Variants in SLC22A14 observed in about 807,000 individuals in gnomAD.
SLC22A14 encodes solute carrier family 22 member 14, also known as organic cation transporter-like 4.
In SLC22A14, 50 loss-of-function variants were observed where a neutral mutation model predicts 53.9. That is an observed-to-expected ratio of 0.93 (90% CI 0.74 to 1.17). The LOEUF (loss-of-function observed/expected upper bound fraction) is 1.17, where lower values mean the gene tolerates loss of function less well. Among genes scored for constraint, SLC22A14 ranks in the 50% most tolerant of loss-of-function variants. The pLI is 0.00. For synonymous variants in SLC22A14, 312 were observed against 303.0 expected, an observed-to-expected ratio of 1.03 and a Z score of -0.31; for missense variants, 671 against 734.7, an observed-to-expected ratio of 0.91 and a Z score of 1.00.
At position 38,313,755 on chromosome 3, in the gene SLC22A14, T is replaced by C. The variant is rs780866911; in HGVS notation, c.1192T>C (p.Leu398=). Residue 398 remains leucine, a synonymous_variant, in exon 8 of 11, where the codon TTG becomes CTG. Coordinates refer to ENST00000448498, the MANE Select transcript of SLC22A14 (RefSeq NM_001320033.2). ...TACCGTCAGTTACACCTATTTTACGTTGAGCCTGAGAATGAGAGAGCTGGG... is the reference window on the plus strand; with the variant it reads ...TACCGTCAGTTACACCTATTTTACGCTGAGCCTGAGAATGAGAGAGCTGGG... The part of the protein sequence containing the change: ...WFTVSYTYFT[L]SLRMRELGVS... The C allele has an allele frequency of 2.5e-6, 4 of 1,589,290 alleles. No individual in the cohort carries two copies. Among genetic ancestry groups the C allele is most frequent in the Admixed American group, 1.7e-5 (1 of 57,576 alleles).
At chr3:38,317,277 C>T (rs1355743277) in intron 10 of SLC22A14, among the ~76,000 whole-genome samples, 2 of 152,188 alleles carry the variant, frequency 1.3e-5, no homozygotes, top group East Asian at 3.9e-4. Context: ...TCCCTCCCTG[C>T]TCTCACTGGA....
At chr3:38,281,209 C>T (rs1436790918), upstream of SLC22A14, among the ~76,000 whole-genome samples, 1 of 152,184 alleles carries the variant, frequency 6.6e-6, no homozygotes, top group Non-Finnish European at 1.5e-5. Context: ...TGCCCCCAAA[C>T]AAGTGAAGAT....
rs891856795 is a variant in SLC22A14 at position 38,308,956 on chromosome 3, ACT to A, written c.779_780del (p.Thr260ArgfsTer6). 4 of 1,613,902 alleles carry A rather than the reference ACT, an allele frequency of 2.5e-6. No individual in the cohort carries two copies. The Admixed American group carries it at 6.7e-5, about 27-fold the overall frequency. On this transcript the variant is annotated frameshift_variant, in exon 5 of 11. Coordinates refer to ENST00000448498, the MANE Select transcript of SLC22A14 (RefSeq NM_001320033.2). LOFTEE classifies it high-confidence loss of function. The part of the protein sequence containing the change: ...GYAISSISLA[T>X]EWLVGEHRAH... The stretch of plus-strand genomic sequence containing the variant: ...TTGTCCTCTTGGCCTCTGCACAGCC[ACT>A]GAGTGGTTAGTGGGTGAGCACCGGG...
intron 1 of SLC22A14, among the ~76,000 whole-genome samples, chr3:38,291,047 A>G (rs1272716321): frequency 6.6e-6 from 1 of 152,198 alleles, no homozygotes; most frequent in Non-Finnish European, 1.5e-5. Flanking sequence ...ATGGAGGACT[A>G]GGTAAGCATA....
intron 1 of SLC22A14, among the ~76,000 whole-genome samples, chr3:38,287,106 TGTGC>T (rs1323639684): frequency 2.6e-5 from 4 of 151,662 alleles, no homozygotes; most frequent in Non-Finnish European, 4.4e-5. Context: ...TAGGTGTGTG[TGTGC>T]GTGTGTGTGT....
At chr3:38,311,312 C>A (rs898924499) in intron 5 of SLC22A14, among the ~76,000 whole-genome samples, 1 of 152,182 alleles carries the variant, frequency 6.6e-6, no homozygotes, top group Non-Finnish European at 1.5e-5. Context: ...AGGGGCAGTA[C>A]CAATGATCTC....
At chr3:38,298,910 T>C (rs979941069) in intron 1 of SLC22A14, among the ~76,000 whole-genome samples, 2 of 152,204 alleles carry the variant, frequency 1.3e-5, no homozygotes, top group African/African-American at 2.4e-5. Context: ...TCTTATTATC[T>C]ACAATATAGT....
At position 38,283,041 on chromosome 3, in the gene SLC22A14, C is replaced by T. The variant is rs9856331; in HGVS notation, c.-1+702C>T. On this transcript the variant is annotated intron_variant, in intron 1 of 10. Coordinates refer to ENST00000448498, the MANE Select transcript of SLC22A14 (RefSeq NM_001320033.2). ...GCCTTCCTTTCTGGAGGCTCTAGGG[C>T]AGAGCTCATTTCCTTCCTTGCCTTT... Among the ~76,000 whole-genome samples, 1,324 of 152,282 alleles carry T rather than the reference C, an allele frequency of 8.7e-3. 14 individuals are homozygous for T. The highest frequency in any genetic ancestry group is 0.031 in the African/African-American group (1,272 of 41,548).
chr3:38,302,293 TATATACAC>T (rs200503777), intron 1 of SLC22A14, among the ~76,000 whole-genome samples: 1 of 56,758 alleles, frequency 1.8e-5, no homozygotes, highest in Non-Finnish European at 4.6e-5. Context: ...TATATATTTA[TATATACAC>T]ATATATATTT....
intron 1 of SLC22A14, among the ~76,000 whole-genome samples, chr3:38,290,304 C>A (rs1703884386): frequency 6.6e-6 from 1 of 152,188 alleles, no homozygotes; most frequent in African/African-American, 2.4e-5. Flanking sequence ...GGGAGGGGCG[C>A]CTTCGATGTC....
chr3:38,299,904 C>T (rs904896010), intron 1 of SLC22A14, among the ~76,000 whole-genome samples: 15 of 152,156 alleles, frequency 9.9e-5, no homozygotes, highest in Non-Finnish European at 2.1e-4. Context: ...ATTCAACCAG[C>T]CTCCTATGTA....
chr3:38,313,973 A>G (rs1395185405), intron 8 of SLC22A14, 32 bp downstream of exon 8: 12 of 1,586,308 alleles, frequency 7.6e-6, no homozygotes, highest in Non-Finnish European at 9.5e-6. Flanking sequence ...TGGCCTGCCC[A>G]CAGCCTTCCT....
intron 4 of SLC22A14, among the ~76,000 whole-genome samples, chr3:38,308,736 G>A (rs1030264343): frequency 2.0e-5 from 3 of 152,236 alleles, no homozygotes; most frequent in African/African-American, 4.8e-5. Context: ...TGGAAGCTGT[G>A]TATATGATTA....
rs753911270 is a variant in SLC22A14 at position 38,313,807 on chromosome 3, T to A, written c.1244T>A (p.Val415Asp). Reference sequence around the variant, plus strand: ...GTGAGCGTCCACTTCAGACACGTGGTCCCCAGCATCATGGAGGTGCCTGCC... The same window carrying A: ...GTGAGCGTCCACTTCAGACACGTGGACCCCAGCATCATGGAGGTGCCTGCC... Reference protein sequence around the residue: ...LGVSVHFRHVVPSIMEVPARL... With the variant: ...LGVSVHFRHVDPSIMEVPARL... The change falls in exon 8 of 11, where the codon GTC (valine) becomes GAC (aspartate). Residue 415 changes from valine to aspartate, a missense_variant. Coordinates refer to ENST00000448498, the MANE Select transcript of SLC22A14 (RefSeq NM_001320033.2). The A allele has an allele frequency of 1.2e-6, 2 of 1,613,878 alleles. No homozygotes were observed. The highest frequency in any genetic ancestry group is 3.3e-5 in the Admixed American group (2 of 59,986).
rs1375955669 is a variant in SLC22A14 at position 38,315,633 on chromosome 3, T to C, written c.1454T>C (p.Met485Thr). The C allele has an allele frequency of 1.9e-6, 3 of 1,614,000 alleles. No homozygotes were observed. The highest frequency in any genetic ancestry group is 1.1e-5 in the South Asian group (1 of 91,078). The change falls in exon 9 of 11, where the codon ATG becomes ACG. Residue 485 changes from methionine to threonine, a missense_variant. Physicochemically the swap from Met to Thr is moderately conservative, Grantham distance 81 (BLOSUM62 -1). Transcript: ENST00000448498. ...ELKSMTILVL[M>T]LREFSLAATV... ...AAATCCATGACGATCTTGGTGCTCATGCTCAGAGAGTTCAGCCTGGCCGCC... is the reference window on the plus strand; with the variant it reads ...AAATCCATGACGATCTTGGTGCTCACGCTCAGAGAGTTCAGCCTGGCCGCC...
Position 38,306,538 on chromosome 3 carries a change from A to T in SLC22A14, c.512A>T (p.Asn171Ile). ...GACGCTAAGAAGCGATCGCTGATCAATGAGGTATGTCTTGTCATGGGTTGT... is the reference window on the plus strand; with the variant it reads ...GACGCTAAGAAGCGATCGCTGATCATTGAGGTATGTCTTGTCATGGGTTGT... ...YPDAKKRSLINEFDLVCGMET... is the reference protein window; with the variant it reads ...YPDAKKRSLIIEFDLVCGMET... The change falls in exon 2 of 11, where the codon AAT becomes ATT. Residue 171 changes from asparagine (N) to isoleucine (I), a missense_variant. Asn to Ile is a moderately radical substitution (Grantham distance 149, BLOSUM62 -3). Coordinates refer to ENST00000448498, the MANE Select transcript of SLC22A14 (RefSeq NM_001320033.2). The T allele has an allele frequency of 6.2e-7, 1 of 1,611,044 alleles. No homozygotes were observed. The highest frequency in any genetic ancestry group is 8.5e-7 in the Non-Finnish European group (1 of 1,178,142).
chr3:38,310,927 A>G (rs1704451030), intron 5 of SLC22A14, among the ~76,000 whole-genome samples: 1 of 152,278 alleles, frequency 6.6e-6, no homozygotes, highest in South Asian at 2.1e-4. Context: ...GGGTTTATGT[A>G]GGCCCTCAAA....
chr3:38,311,654 G>T lies in SLC22A14; in HGVS notation c.945-1345G>T, dbSNP rs79960392. Among the ~76,000 whole-genome samples the T allele has an allele frequency of 4.5e-3, 683 of 152,266 alleles. 1 individual carries two copies. The highest frequency in any genetic ancestry group is 0.015 in the African/African-American group (638 of 41,532). ...AAATGTCCTATTTCATCACTTACAA[G>T]TTCCTTCTTTCACAAACACTAAGGC... On this transcript the variant is annotated intron_variant, in intron 5 of 10. Transcript: ENST00000448498.
chr3:38,296,329 G>A (rs560590357), intron 1 of SLC22A14, among the ~76,000 whole-genome samples: 2 of 151,624 alleles, frequency 1.3e-5, no homozygotes, highest in South Asian at 4.2e-4. Context: ...GCAGACCAAC[G>A]TTCCCAACCC....
Sources: gnomAD v4.1 joint callset for allele counts (sites outside exome capture counted in the v4.1 genomes callset) on GRCh38, gnomAD v4.1.1 for gene constraint, MANE v1.5 for transcripts, NCBI Gene and HGNC (gene_info 2026-07-23, HGNC 2026-07-21) for gene names.